The following LRRC49 variants were observed in gnomAD, a reference collection of about 807,000 sequenced individuals.
The protein encoded by LRRC49 is leucine-rich repeat-containing protein 49.
A neutral mutation model predicts 83.3 loss-of-function variants in LRRC49; 50 were observed. The ratio of observed to expected loss-of-function variants is 0.60; its 90% CI spans 0.48 to 0.76. The LOEUF is 0.76. LRRC49 is among the 30% of genes least tolerant of loss of function. The probability of loss-of-function intolerance (pLI) is 0.00; values close to 1 mark genes in which losing one functional copy is unlikely to be tolerated. For synonymous variants in LRRC49, 286 were observed against 283.3 expected, an observed-to-expected ratio of 1.01 and a Z score of -0.10; for missense variants, 704 against 809.1, an observed-to-expected ratio of 0.87 and a Z score of 1.58.
intron 1 of LRRC49, among the ~76,000 whole-genome samples, chr15:70,860,612 T>A (rs1281301640): frequency 1.3e-5 from 2 of 152,144 alleles, no homozygotes; most frequent in Non-Finnish European, 2.9e-5. Context: ...GGTCTTTCTA[T>A]GTTGTCCAGG....
intron 1 of LRRC49, among the ~76,000 whole-genome samples, chr15:70,860,449 C>T (rs1443594729): frequency 6.6e-6 from 1 of 152,236 alleles, no homozygotes; most frequent in South Asian, 2.1e-4. Flanking sequence ...AGGTCTCACT[C>T]TGTCGCCTAG....
chr15:70,990,572 A>G (rs1329778564), intron 11 of LRRC49, among the ~76,000 whole-genome samples: 2 of 152,130 alleles, frequency 1.3e-5, no homozygotes, highest in African/African-American at 4.8e-5. Context: ...GAACTCCCTG[A>G]CCCCTTGCAC....
chr15:70,961,406 C>G (rs564025170), intron 8 of LRRC49, among the ~76,000 whole-genome samples: 2 of 152,240 alleles, frequency 1.3e-5, no homozygotes, highest in East Asian at 3.9e-4. Flanking sequence ...AGGTATTTAT[C>G]CATTTGAATT....
At chr15:71,002,573 G>C (rs898256065) in intron 11 of LRRC49, among the ~76,000 whole-genome samples, 8 of 151,752 alleles carry the variant, frequency 5.3e-5, no homozygotes, top group Non-Finnish European at 1.0e-4. Context: ...GTCATTTCCT[G>C]TCTATGAACA....
At chr15:70,929,794 T>G (rs1038310994) in intron 7 of LRRC49, among the ~76,000 whole-genome samples, 1 of 152,234 alleles carries the variant, frequency 6.6e-6, no homozygotes. Context: ...AGTTTCCATC[T>G]TAAGAAACTA....
intron 2 of LRRC49, among the ~76,000 whole-genome samples, chr15:70,875,806 G>A (rs1301487864): frequency 1.3e-5 from 2 of 152,136 alleles, no homozygotes; most frequent in Admixed American, 6.5e-5. Flanking sequence ...TTGGAACTTC[G>A]GTATTCAGCC....
At chr15:70,876,667 T>A (rs1325588392) in intron 2 of LRRC49, among the ~76,000 whole-genome samples, 1 of 152,230 alleles carries the variant, frequency 6.6e-6, no homozygotes, top group Non-Finnish European at 1.5e-5. Context: ...TCTTTCCTTG[T>A]TCACAAATCC....
intron 14 of LRRC49, among the ~76,000 whole-genome samples, chr15:71,013,444 T>C (rs2038724780): frequency 6.6e-6 from 1 of 152,186 alleles, no homozygotes; most frequent in South Asian, 2.1e-4. Context: ...TTGTGTTTTG[T>C]AATGAAGCAC....
intron 2 of LRRC49, among the ~76,000 whole-genome samples, chr15:70,878,615 G>A (rs981340271): frequency 1.3e-5 from 2 of 152,190 alleles, no homozygotes; most frequent in South Asian, 4.1e-4. Flanking sequence ...GGTGAAGAAA[G>A]TAAATTCCTT....
At chr15:70,882,557 T>G in intron 2 of LRRC49, 1 of 1,613,930 alleles carries the variant, frequency 6.2e-7, no homozygotes, top group Middle Eastern at 1.7e-4. Flanking sequence ...GGAGTAAATG[T>G]CAAAGAGAGA....
rs899753912 is a variant in LRRC49 at position 71,053,203 on chromosome 15, G to A, written c.*3591G>A. 2 of 152,176 alleles carry A rather than the reference G, an allele frequency of 1.3e-5. No individual in the cohort carries two copies. Among genetic ancestry groups the A allele is most frequent in the African/African-American group, 4.8e-5 (2 of 41,432 alleles). The allele number at this position is 152,176 out of a possible 1,614,324, so 9.4% of individuals were successfully genotyped here. ...CTTGGATCAAGGTGATAGCGGCAGA[G>A]GCGTCAGAAAGTAGTTGGATCTTGG... On this transcript the variant is annotated 3_prime_UTR_variant, in exon 16 of 16. Coordinates refer to ENST00000260382, the MANE Select transcript of LRRC49 (RefSeq NM_017691.5).
rs773296836 is a variant in LRRC49, at chr15:71,037,237, G to A, written c.1762G>A (p.Glu588Lys). 8 of 1,610,936 alleles carry A rather than the reference G, an allele frequency of 5.0e-6. No individual in the cohort carries two copies. Among genetic ancestry groups the A allele is most frequent in the South Asian group, 2.2e-5 (2 of 90,794 alleles). Residue 588 changes from glutamate (E) to lysine (K), a missense_variant, in exon 15 of 16, where the codon GAA becomes AAA. Physicochemically the swap from Glu to Lys is moderately conservative, Grantham distance 56. Coordinates refer to ENST00000260382, the MANE Select transcript of LRRC49 (RefSeq NM_017691.5). Reference sequence around the variant, plus strand: ...AGGAAAAAAACCTGGTATTATCAACGAAGAAAATAATGACAGCAAAAGACT... The same window carrying A: ...AGGAAAAAAACCTGGTATTATCAACAAAGAAAATAATGACAGCAAAAGACT... The part of the protein sequence containing the change: ...SKGKKPGIIN[E>K]ENNDSKRLVG...
chr15:71,018,702 G>T (rs148921165), intron 14 of LRRC49, among the ~76,000 whole-genome samples: 154 of 152,206 alleles, frequency 1.0e-3, no homozygotes, highest in African/African-American at 3.6e-3. Context: ...TTCTGACACT[G>T]CCTACCTGGA....
chr15:71,004,025 A>G (rs1212902926), intron 11 of LRRC49, among the ~76,000 whole-genome samples: 1 of 152,200 alleles, frequency 6.6e-6, no homozygotes, highest in African/African-American at 2.4e-5. Context: ...TCATCTTTGT[A>G]TCCCTAACAC....
At chr15:70,952,687 T>A (rs953489715) in intron 8 of LRRC49, among the ~76,000 whole-genome samples, 2 of 152,318 alleles carry the variant, frequency 1.3e-5, no homozygotes, top group African/African-American at 4.8e-5. Context: ...ATATCTTTGC[T>A]GGTTTACTGC....
At chr15:71,020,167 G>A (rs1474310631) in intron 14 of LRRC49, among the ~76,000 whole-genome samples, 3 of 152,126 alleles carry the variant, frequency 2.0e-5, no homozygotes, top group Non-Finnish European at 2.9e-5. Flanking sequence ...AATGAAATAT[G>A]TAATACACAA....
intron 6 of LRRC49, among the ~76,000 whole-genome samples, chr15:70,913,237 C>T (rs2034623252): frequency 6.6e-6 from 1 of 152,194 alleles, no homozygotes. Flanking sequence ...GTGAAAACCT[C>T]AGTGTGGTCT....
chr15:70,853,794 G>T, intron 1 of LRRC49: 1 of 953,218 alleles, frequency 1.0e-6, no homozygotes, highest in Non-Finnish European at 1.3e-6. Flanking sequence ...AACCCCCTCT[G>T]CCCGAGGAGT....
At chr15:71,034,578 T>C (rs1045601935) in intron 14 of LRRC49, among the ~76,000 whole-genome samples, 3 of 152,190 alleles carry the variant, frequency 2.0e-5, no homozygotes, top group South Asian at 4.1e-4. Context: ...AACATGTACA[T>C]GTATGTTTAT....
Sources: gnomAD v4.1 joint callset for allele counts (sites outside exome capture counted in the v4.1 genomes callset) on GRCh38, gnomAD v4.1.1 for gene constraint, MANE v1.5 for transcripts, NCBI Gene and HGNC (gene_info 2026-07-23, HGNC 2026-07-21) for gene names.